The following ITPR1 variants were observed in gnomAD, a reference collection of about 807,000 sequenced individuals.
ITPR1 encodes inositol 1,4,5-trisphosphate-gated calcium channel ITPR1.
In ITPR1, 96 loss-of-function variants were observed where a neutral mutation model predicts 318.4. The ratio of observed to expected loss-of-function variants is 0.30; its 90% CI spans 0.26 to 0.36. ITPR1 has a LOEUF of 0.36. ITPR1 is among the 10% of genes least tolerant of loss of function. The pLI, the probability that ITPR1 is intolerant of heterozygous loss-of-function variation, is 1.00. For synonymous variants in ITPR1, 1,312 were observed against 1,289.9 expected (o/e 1.02, Z -0.37); for missense variants, 2,440 against 3,460.2 (o/e 0.71, Z 7.40).
intron 60 of ITPR1, among the ~76,000 whole-genome samples, chr3:4,827,218 C>G (rs1306812426): frequency 6.6e-6 from 1 of 152,196 alleles, no homozygotes. Flanking sequence ...CACCGTGCTG[C>G]CCGGCTTGCC....
In ITPR1 at chr3:4,695,506, G is replaced by C. The variant is rs145676758; in HGVS notation, c.4282-1641G>C. ...GAACAGCTTTGTAACTGCCACCCAG[G>C]TCAAGAAATATGCAAAAACCTCCCC... On this transcript the variant is annotated intron_variant, in intron 33 of 61. Coordinates refer to ENST00000649015, the MANE Select transcript of ITPR1 (RefSeq NM_001378452.1). 3.9e-5 allele frequency among the ~76,000 whole-genome samples: 6 copies of C among 152,218 alleles called. No homozygotes were observed. The East Asian group carries it at 1.2e-3, about 29-fold the overall frequency.
chr3:4,803,168 G>A (rs1047122190), intron 54 of ITPR1, among the ~76,000 whole-genome samples: 1 of 152,178 alleles, frequency 6.6e-6, no homozygotes, highest in Admixed American at 6.5e-5. Flanking sequence ...TAAACAACCA[G>A]CTCTCTATCA....
At chr3:4,785,284 T>C (rs1559892065) in intron 51 of ITPR1, among the ~76,000 whole-genome samples, 1 of 152,166 alleles carries the variant, frequency 6.6e-6, no homozygotes, top group Non-Finnish European at 1.5e-5. Flanking sequence ...GTGGGTCCGT[T>C]TGTACCTGCA....
intron 53 of ITPR1, among the ~76,000 whole-genome samples, chr3:4,795,654 G>T (rs2047850933): frequency 6.6e-6 from 1 of 151,298 alleles, no homozygotes; most frequent in Admixed American, 6.6e-5. Context: ...TATTTTTTTT[G>T]CCAGGGGTCA....
At chr3:4,772,404 G>A (rs1265308404) in intron 46 of ITPR1, among the ~76,000 whole-genome samples, 1 of 152,232 alleles carries the variant, frequency 6.6e-6, no homozygotes, top group Non-Finnish European at 1.5e-5. Context: ...ATGTTCAGAA[G>A]AGATAAAGTC....
chr3:4,636,670 C>A (rs1202163847), intron 5 of ITPR1, among the ~76,000 whole-genome samples: 1 of 152,104 alleles, frequency 6.6e-6, no homozygotes, highest in African/African-American at 2.4e-5. Context: ...CTCAGGTGAT[C>A]CGCCTGCCTC....
chr3:4,640,229 T>C (rs1370315447), intron 6 of ITPR1, among the ~76,000 whole-genome samples: 1 of 152,242 alleles, frequency 6.6e-6, no homozygotes, highest in East Asian at 1.9e-4. Context: ...TAAACCTTAC[T>C]AATTACATAG....
chr3:4,639,533 C>G, intron 6 of ITPR1, 63 bp downstream of exon 6: 8 of 1,222,480 alleles, frequency 6.5e-6, no homozygotes, highest in South Asian at 1.3e-5. Context: ...GCTGAGGAAA[C>G]AAACACCTAA....
At chr3:4,638,426 A>C (rs2093254520) in intron 5 of ITPR1, among the ~76,000 whole-genome samples, 1 of 152,186 alleles carries the variant, frequency 6.6e-6, no homozygotes, top group African/African-American at 2.4e-5. Flanking sequence ...TCAGAGTTGC[A>C]CAGGTGAATG....
chr3:4,583,858 C>G (rs1016457415), intron 4 of ITPR1, among the ~76,000 whole-genome samples: 2 of 152,166 alleles, frequency 1.3e-5, no homozygotes, highest in African/African-American at 4.8e-5. Flanking sequence ...GTACCCCTCA[C>G]TAATGAGATG....
At position 4,710,147 on chromosome 3, in the gene ITPR1, G is replaced by A. The variant is rs2041245283; in HGVS notation, c.4843-178G>A. Among the ~76,000 whole-genome samples the A allele has an allele frequency of 6.6e-6, 1 of 152,154 alleles. No individual in the cohort carries two copies. The highest frequency in any genetic ancestry group is 1.5e-5 in the Non-Finnish European group (1 of 68,022). On this transcript the variant is annotated intron_variant, in intron 37 of 61. Coordinates refer to ENST00000649015, the MANE Select transcript of ITPR1 (RefSeq NM_001378452.1). The surrounding 1 kb of genome is among the most constrained non-coding windows in gnomAD (Gnocchi z 4.2). ...TTTCACTTTGTTTTCTGCATCAGAG[G>A]CTAATGTTTCAGGTAACCATTGGGC...
rs56096727 is a variant in ITPR1 at position 4,840,029 on chromosome 3, C to CTTTTTTTTTTTT, written c.8190+3112_8190+3123dup. The stretch of plus-strand genomic sequence containing the variant: ...TTACAGGAAAAATTCAGCATAGCTG[C>CTTTTTTTTTTTT]TTTTTTTTTTTTTTTTTTTTTTTTT... On this transcript the variant is annotated intron_variant, in intron 61 of 61. Transcript: ENST00000649015. Among the ~76,000 whole-genome samples, 17 of 104,900 alleles carry CTTTTTTTTTTTT rather than the reference C, an allele frequency of 1.6e-4. 1 individual carries two copies. The highest frequency in any genetic ancestry group is 3.4e-4 in the Admixed American group (3 of 8,780). 68.8% of individuals were successfully genotyped at this position (104,900 alleles called of 152,430 possible).
At chr3:4,546,015 T>A (rs1478173149) in intron 4 of ITPR1, among the ~76,000 whole-genome samples, 2 of 152,146 alleles carry the variant, frequency 1.3e-5, no homozygotes, top group Non-Finnish European at 2.9e-5. Flanking sequence ...AATTTTTCTA[T>A]GTCTTAATTT....
chr3:4,836,183 A>G lies in ITPR1; in HGVS notation c.8029-591A>G, dbSNP rs186039241. The stretch of plus-strand genomic sequence containing the variant: ...TATAATGCATTTTAAAATACACAGC[A>G]TAATATGAGGCCCCTGGAGCAGTCA... On this transcript the variant is annotated intron_variant, in intron 60 of 61. Coordinates refer to ENST00000649015, the MANE Select transcript of ITPR1 (RefSeq NM_001378452.1). Among the ~76,000 whole-genome samples, 159 of 152,306 alleles carry G rather than the reference A, an allele frequency of 1.0e-3. 1 individual carries two copies. Among genetic ancestry groups the G allele is most frequent in the African/African-American group, 3.7e-3 (152 of 41,552 alleles).
rs558139013 is a variant in ITPR1 at position 4,685,079 on chromosome 3, G to C, written c.3575G>C (p.Arg1192Pro). ...CTTTCATTCTACTAGATTTTGATTC[G>C]GCTTAGCAAACTCTGTGTTCAAGAG... ...NYRVVKEILIRLSKLCVQESA... is the reference protein window; with the variant it reads ...NYRVVKEILIPLSKLCVQESA... The change falls in exon 30 of 62, where the codon CGG becomes CCG. Residue 1192 changes from arginine to proline, a missense_variant. Transcript: ENST00000649015. 6.2e-7 allele frequency: 1 copy of C among 1,609,208 alleles called. No homozygotes were observed.
At chr3:4,502,924 T>A (rs1444352682) in intron 2 of ITPR1, among the ~76,000 whole-genome samples, 1 of 151,418 alleles carries the variant, frequency 6.6e-6, no homozygotes, top group African/African-American at 2.4e-5. Context: ...TCTACTAAAA[T>A]TACAAAAAAA....
intron 4 of ITPR1, among the ~76,000 whole-genome samples, chr3:4,555,616 A>G (rs2086044028): frequency 6.6e-6 from 1 of 152,210 alleles, no homozygotes; most frequent in Admixed American, 6.5e-5. Flanking sequence ...CATGGAGGAA[A>G]CTTACTAATC....
At chr3:4,746,713 G>A (rs1456662567) in intron 44 of ITPR1, among the ~76,000 whole-genome samples, 1 of 152,254 alleles carries the variant, frequency 6.6e-6, no homozygotes, top group Non-Finnish European at 1.5e-5. Flanking sequence ...TGATGAATCA[G>A]TGTGGATACT....
chr3:4,599,431 T>C (rs1024538880), intron 4 of ITPR1, among the ~76,000 whole-genome samples: 2 of 152,174 alleles, frequency 1.3e-5, no homozygotes, highest in African/African-American at 4.8e-5. Context: ...TGGGGGAAAA[T>C]GCAGAAAATC....
Sources: gnomAD v4.1 joint callset for allele counts (sites outside exome capture counted in the v4.1 genomes callset) on GRCh38, gnomAD v4.1.1 for gene constraint, Gnocchi (gnomAD v3.1) non-coding constraint, MANE v1.5 for transcripts, NCBI Gene and HGNC (gene_info 2026-07-23, HGNC 2026-07-21) for gene names.